Variants in ERBB4 observed in about 807,000 individuals in gnomAD.
The protein encoded by ERBB4 is receptor tyrosine-protein kinase erbB-4.
Under a neutral mutation model 158.0 loss-of-function variants are expected in ERBB4, and 42 were observed. The ratio of observed to expected loss-of-function variants is 0.27; its 90% CI spans 0.21 to 0.34. ERBB4 has a LOEUF of 0.34. Among genes scored for constraint, ERBB4 ranks in the 10% least tolerant of loss-of-function variants. The pLI is 1.00. For missense variants in ERBB4, 1,333 were observed against 1,624.1 expected, an observed-to-expected ratio of 0.82 and a Z score of 3.08; for synonymous variants, 583 against 558.7, an observed-to-expected ratio of 1.04 and a Z score of -0.61.
At chr2:212,067,395 T>C (rs911766120) in intron 2 of ERBB4, among the ~76,000 whole-genome samples, 3 of 152,006 alleles carry the variant, frequency 2.0e-5, no homozygotes, top group Admixed American at 6.6e-5. Flanking sequence ...AACCTGTCAT[T>C]AGATTGTAGA....
At chr2:212,348,055 C>T (rs989196912) in intron 1 of ERBB4, among the ~76,000 whole-genome samples, 1 of 151,894 alleles carries the variant, frequency 6.6e-6, no homozygotes, top group Non-Finnish European at 1.5e-5. Context: ...TGCTTAGTGT[C>T]AAGAAACAGT....
chr2:212,163,918 A>C (rs1048427996), intron 1 of ERBB4, among the ~76,000 whole-genome samples: 1 of 151,936 alleles, frequency 6.6e-6, no homozygotes, highest in East Asian at 1.9e-4. Context: ...TTGGCCTTCC[A>C]AGTAGCTGAG....
Position 212,127,341 on chromosome 2 carries a change from C to A in ERBB4, c.83-2438G>T, listed in dbSNP as rs551024791. Among the ~76,000 whole-genome samples, 12 of 152,294 alleles carry A rather than the reference C, an allele frequency of 7.9e-5. No homozygotes were observed. The South Asian group carries it at 2.3e-3, about 29-fold the overall frequency. On this transcript the variant is annotated intron_variant, in intron 1 of 27. Transcript: ENST00000342788. ...GGTGCAGCGGCTCATGCCTGTAATC[C>A]CAGCACTTTGGGAGGCCAAGGTGGG... is the stretch of plus-strand genomic sequence containing the variant.
At chr2:212,146,107 A>G (rs2080663372) in intron 1 of ERBB4, among the ~76,000 whole-genome samples, 1 of 152,192 alleles carries the variant, frequency 6.6e-6, no homozygotes, top group African/African-American at 2.4e-5. Flanking sequence ...TTATCCTGGC[A>G]TCTTGACATT....
intron 1 of ERBB4, among the ~76,000 whole-genome samples, chr2:212,433,929 C>T (rs2092083611): frequency 6.6e-6 from 1 of 151,892 alleles, no homozygotes; most frequent in Non-Finnish European, 1.5e-5. Flanking sequence ...AAGAGGGATG[C>T]TCAAGGAGAT....
chr2:212,257,063 C>T (rs1408308410), intron 1 of ERBB4, among the ~76,000 whole-genome samples: 1 of 152,094 alleles, frequency 6.6e-6, no homozygotes, highest in African/African-American at 2.4e-5. Context: ...CAGCCCTCCT[C>T]CACCCAGCAG....
chr2:212,379,448 G>A (rs200528996), intron 1 of ERBB4, among the ~76,000 whole-genome samples: 7 of 151,500 alleles, frequency 4.6e-5, no homozygotes, highest in East Asian at 3.9e-4. Flanking sequence ...GCAGTATGAC[G>A]AAAAGTTATC....
chr2:211,723,858 G>A (rs1233326766), intron 6 of ERBB4, among the ~76,000 whole-genome samples: 1 of 152,156 alleles, frequency 6.6e-6, no homozygotes, highest in Non-Finnish European at 1.5e-5. Context: ...GCCTTAGTCT[G>A]GCATTCTTGA....
At chr2:212,535,988 GAGA>G (rs1231133124) in intron 1 of ERBB4, among the ~76,000 whole-genome samples, 3 of 152,168 alleles carry the variant, frequency 2.0e-5, no homozygotes, top group Non-Finnish European at 4.4e-5. Flanking sequence ...CTAATAATGC[GAGA>G]AGCAGATTGT....
chr2:212,171,302 G>C (rs777995065), intron 1 of ERBB4, among the ~76,000 whole-genome samples: 5 of 149,858 alleles, frequency 3.3e-5, no homozygotes, highest in Non-Finnish European at 7.4e-5. Flanking sequence ...TACCCCCATT[G>C]TATCTTGGAA....
At chr2:211,754,024 A>AT (rs1283631998) in intron 4 of ERBB4, among the ~76,000 whole-genome samples, 3 of 150,776 alleles carry the variant, frequency 2.0e-5, no homozygotes, top group Admixed American at 1.3e-4. Context: ...CGCCCGGCTA[A>AT]TTTTTTTTCG....
At chr2:212,039,650 T>G (rs2077092939) in intron 2 of ERBB4, among the ~76,000 whole-genome samples, 1 of 152,172 alleles carries the variant, frequency 6.6e-6, no homozygotes, top group Non-Finnish European at 1.5e-5. Flanking sequence ...TGCCAGCTTC[T>G]GTGATAACCA....
At chr2:211,615,948 A>C (rs2069370621) in intron 19 of ERBB4, among the ~76,000 whole-genome samples, 1 of 152,132 alleles carries the variant, frequency 6.6e-6, no homozygotes, top group Admixed American at 6.6e-5. Context: ...CCCCTGAAGA[A>C]CTGTACAAAC....
chr2:212,072,251 T>C (rs2078143375), intron 2 of ERBB4, among the ~76,000 whole-genome samples: 1 of 151,984 alleles, frequency 6.6e-6, no homozygotes, highest in African/African-American at 2.4e-5. Flanking sequence ...GAACTATTTC[T>C]AGTTTTATAA....
intron 3 of ERBB4, among the ~76,000 whole-genome samples, chr2:211,816,932 T>C (rs994244046): frequency 3.3e-5 from 5 of 152,154 alleles, no homozygotes; most frequent in Admixed American, 3.3e-4. Flanking sequence ...AACTCTATGC[T>C]TGACCATAAA....
chr2:211,544,788 T>C (rs1007644414), intron 20 of ERBB4, among the ~76,000 whole-genome samples: 5 of 152,068 alleles, frequency 3.3e-5, no homozygotes, highest in African/African-American at 1.2e-4. Flanking sequence ...AGTGAAAATG[T>C]TGGCTAGTTT....
chr2:211,745,726 AAAACAAAAC>A lies in ERBB4; in HGVS notation c.622+4904_622+4912del, dbSNP rs1180803307. 1.6e-4 allele frequency among the ~76,000 whole-genome samples: 19 copies of A among 120,760 alleles called. 1 individual carries two copies. The highest frequency in any genetic ancestry group is 5.4e-4 in the African/African-American group (18 of 33,476). The allele number at this position is 120,760 out of a possible 152,430, so 79.2% of individuals were successfully genotyped here. A position where few individuals can be genotyped will look rare whatever the true frequency, so the allele number is the denominator to read the frequency against. On this transcript the variant is annotated intron_variant, in intron 5 of 27. Transcript: ENST00000342788. Reference sequence around the variant, plus strand: ...ACCCTCCACCGCCAGAAAAAAAACAAAAACAAAACAAAAAAAACCCTTAGGTAAGTATAC... The same window carrying A: ...ACCCTCCACCGCCAGAAAAAAAACAAAAAAAAAACCCTTAGGTAAGTATAC...
chr2:212,460,448 T>C (rs935779884), intron 1 of ERBB4, among the ~76,000 whole-genome samples: 2 of 152,142 alleles, frequency 1.3e-5, no homozygotes, highest in Non-Finnish European at 2.9e-5. Context: ...CTGATAGTGA[T>C]ACGAATAATA....
intron 16 of ERBB4, among the ~76,000 whole-genome samples, chr2:211,648,681 T>A (rs930812850): frequency 1.3e-5 from 2 of 151,810 alleles, no homozygotes; most frequent in African/African-American, 4.8e-5. Context: ...CAGAGCCAGA[T>A]GATACACAAT....
Sources: allele counts gnomAD v4.1 joint callset (sites outside exome capture counted in the v4.1 genomes callset), GRCh38; gene constraint gnomAD v4.1.1; transcripts MANE v1.5; gene names NCBI Gene and HGNC (gene_info 2026-07-23, HGNC 2026-07-21).